The following RIF1 variants were observed in gnomAD, a reference collection of about 807,000 sequenced individuals.
RIF1 encodes telomere-associated protein RIF1.
RIF1 carries 45 observed loss-of-function variants against 247.1 expected under a neutral mutation model. The observed-to-expected ratio is 0.18, with a 90% CI of 0.14 to 0.23. The LOEUF (loss-of-function observed/expected upper bound fraction) is 0.23. RIF1 is among the 10% of genes least tolerant of loss of function. The pLI is 1.00. For missense variants in RIF1, 2,967 were observed against 2,862.5 expected (o/e 1.04, Z -0.83); for synonymous variants, 1,087 against 978.8 (o/e 1.11, Z -2.06).
chr2:151,483,962 G>C (rs533760333), downstream of RIF1, among the ~76,000 whole-genome samples: 2 of 152,332 alleles, frequency 1.3e-5, no homozygotes, highest in East Asian at 1.9e-4. Context: ...TGCCAAAAAG[G>C]CTGGGGACCT....
chr2:151,490,096 A>G (rs929224551), intron 9 of RIF1: 2 of 1,564,244 alleles, frequency 1.3e-6, no homozygotes, highest in African/African-American at 2.7e-5. Context: ...AAGGGGGCAA[A>G]TTCTTTATAA....
In RIF1 at chr2:151,462,648, AGTGTGT is replaced by A. The variant is rs112752759; in HGVS notation, c.3363+197_3363+202del. 4.8e-4 allele frequency among the ~76,000 whole-genome samples: 73 copies of A among 150,734 alleles called. No homozygotes were observed. In the East Asian group the frequency reaches 0.012, roughly 25 times the overall value. On this transcript the variant is annotated intron_variant, in intron 29 of 35. Coordinates refer to ENST00000444746, the MANE Select transcript of RIF1 (RefSeq NM_018151.5). ...AGCAGAATATCAGCAGACACTAGTC[AGTGTGT>A]GTGTGTGTGTGTGTATAAAATAAAT...
chr2:151,461,374 C>A, intron 27 of RIF1, 85 bp downstream of exon 27: 11 of 1,230,750 alleles, frequency 8.9e-6, no homozygotes, highest in African/African-American at 1.5e-5. Flanking sequence ...GTGTTTAGAA[C>A]TAAAATATGT....
intron 33 of RIF1, 114 bp downstream of exon 33, chr2:151,468,870 C>T: frequency 1.3e-6 from 1 of 751,832 alleles, no homozygotes; most frequent in East Asian, 2.6e-5. Flanking sequence ...CTCTCACACA[C>T]ATTTTATTTT....
chr2:151,506,941 G>A lies in RIF1; in HGVS notation c.*1027+566G>A, dbSNP rs184516994. 9.7e-5 allele frequency: 156 copies of A among 1,610,100 alleles called. No homozygotes were observed. The African/African-American group carries it at 1.8e-3, about 19-fold the overall frequency. On this transcript the variant is annotated intron_variant and NMD_transcript_variant, in intron 13 of 13. Coordinates refer to the RIF1 transcript ENST00000454583. Reference sequence around the variant, plus strand: ...AAATTCTTCTGATTTTCTTTTACACGCAGTATTTCTGGCGTGTCTTGAACA... The same window carrying A: ...AAATTCTTCTGATTTTCTTTTACACACAGTATTTCTGGCGTGTCTTGAACA...
At chr2:151,439,185 A>G (rs1691789795) in intron 14 of RIF1, among the ~76,000 whole-genome samples, 1 of 152,218 alleles carries the variant, frequency 6.6e-6, no homozygotes, top group Admixed American at 6.5e-5. Flanking sequence ...TGTTGAGTAC[A>G]CTAAGGAGGG....
intron 14 of RIF1, among the ~76,000 whole-genome samples, chr2:151,439,726 G>A (rs931301619): frequency 6.6e-6 from 1 of 150,972 alleles, no homozygotes; most frequent in Admixed American, 6.6e-5. Context: ...GCTGACGTCT[G>A]TAATCCCAAC....
downstream of RIF1, among the ~76,000 whole-genome samples, chr2:151,509,991 G>A (rs1419644183): frequency 6.6e-6 from 1 of 152,208 alleles, no homozygotes; most frequent in Non-Finnish European, 1.5e-5. Context: ...AAGTTTTTCA[G>A]AGCTTACCTT....
At position 151,463,323 on chromosome 2, in the gene RIF1, G is replaced by A; in HGVS notation, c.3803G>A (p.Arg1268Lys). Residue 1268 changes from arginine to lysine, a missense_variant, in exon 30 of 36, where the codon AGA (arginine) becomes AAA (lysine). Transcript: ENST00000444746. ...GATTTTCTACCAAAAGCAAAGCAAAGAGAAGGGACTTTTTCAAAATCTGAT... is the reference window on the plus strand; with the variant it reads ...GATTTTCTACCAAAAGCAAAGCAAAAAGAAGGGACTTTTTCAAAATCTGAT... ...KTDFLPKAKQ[R>K]EGTFSKSDSE... The A allele has an allele frequency of 6.2e-7, 1 of 1,613,628 alleles. No individual in the cohort carries two copies. The highest frequency in any genetic ancestry group is 8.5e-7 in the Non-Finnish European group (1 of 1,179,912).
the RIF1 span, among the ~76,000 whole-genome samples, chr2:151,531,308 CTTTTTTTTTT>C: frequency 9.5e-5 from 8 of 84,030 alleles, no homozygotes; most frequent in African/African-American, 3.1e-4. Context: ...TTTTTTCTTT[CTTTTTTTTTT>C]TTTTTTTTTT....
the RIF1 span, chr2:151,529,367 G>A: frequency 2.0e-4 from 233 of 1,157,944 alleles, no homozygotes; most frequent in Non-Finnish European, 2.9e-4. Flanking sequence ...AGCATACTGA[G>A]CATCTTAAAA....
chr2:151,531,025 T>C, the RIF1 span: 1 of 1,613,516 alleles, frequency 6.2e-7, no homozygotes, highest in Admixed American at 1.7e-5. Context: ...CTTGCGGACA[T>C]GCAGCAACAT....
intron 10 of RIF1, among the ~76,000 whole-genome samples, chr2:151,498,577 G>GTTATT (rs2061980231): frequency 6.6e-6 from 1 of 152,102 alleles, no homozygotes; most frequent in Non-Finnish European, 1.5e-5. Context: ...AAGAAAGGTT[G>GTTATT]TTATTTTCAT....
the RIF1 span, chr2:151,516,664 G>A: frequency 3.8e-6 from 3 of 786,814 alleles, no homozygotes; most frequent in East Asian, 2.7e-5. Context: ...TCAATTGGAT[G>A]GCATCTCATT....
At chr2:151,492,635 T>C (rs2057485964) in intron 9 of RIF1, 1 of 493,916 alleles carries the variant, frequency 2.0e-6, no homozygotes, top group African/African-American at 2.0e-5. Flanking sequence ...ATGACCAATT[T>C]TGGAACAGGC....
At position 151,459,613 on chromosome 2, in the gene RIF1, C is replaced by T. The variant is rs185542634; in HGVS notation, c.2956-387C>T. 5.5e-4 allele frequency among the ~76,000 whole-genome samples: 83 copies of T among 152,250 alleles called. 1 individual carries two copies. Among genetic ancestry groups the T allele is most frequent in the African/African-American group, 1.7e-3 (72 of 41,552 alleles). ...ATATATTCTGTTGAGGGGAAATATG[C>T]TCTGTCATACATGCTTTATTAACCC... On this transcript the variant is annotated intron_variant, in intron 25 of 35. Transcript: ENST00000444746.
downstream of RIF1, among the ~76,000 whole-genome samples, chr2:151,484,099 CT>C (rs35085653): frequency 0.01 from 1,517 of 151,508 alleles, 32 homozygotes; most frequent in African/African-American, 0.035. Context: ...ATGTGACCAT[CT>C]TTTTTTTTCT....
intron 21 of RIF1, among the ~76,000 whole-genome samples, chr2:151,454,259 T>G (rs1190712621): frequency 3.3e-5 from 5 of 152,206 alleles, no homozygotes; most frequent in Non-Finnish European, 5.9e-5. Flanking sequence ...GTAAATTTTT[T>G]GGGCAAGGGC....
At chr2:151,474,721 G>A in intron 35 of RIF1, 136 bp from the exon 36 acceptor site, 3 of 629,286 alleles carry the variant, frequency 4.8e-6, no homozygotes, top group South Asian at 1.9e-5. Flanking sequence ...ATTTTTTTGT[G>A]TGCTTGTCCT....
Sources: gnomAD v4.1 joint callset for allele counts (sites outside exome capture counted in the v4.1 genomes callset) on GRCh38, gnomAD v4.1.1 for gene constraint, MANE v1.5 for transcripts, NCBI Gene and HGNC (gene_info 2026-07-23, HGNC 2026-07-21) for gene names.